PRKACA: variants seen among roughly 807,000 people sequenced by gnomAD.
PRKACA encodes the protein cAMP-dependent protein kinase catalytic subunit alpha.
Under a neutral mutation model 45.8 loss-of-function variants are expected in PRKACA, and 9 were observed. The observed-to-expected ratio is 0.20, with a 90% CI of 0.12 to 0.34. The LOEUF (loss-of-function observed/expected upper bound fraction) is 0.34, where lower values mean the gene tolerates loss of function less well. Ranked by LOEUF, PRKACA falls within the 10% of genes least tolerant of loss-of-function variation. The pLI is 1.00. For synonymous variants in PRKACA, 160 were observed against 178.6 expected, an observed-to-expected ratio of 0.90 and a Z score of 0.83; for missense variants, 238 against 458.6, an observed-to-expected ratio of 0.52 and a Z score of 4.39.
chr19:14,099,643 G>A (rs1429610667), intron 5 of PRKACA, among the ~76,000 whole-genome samples: 2 of 150,182 alleles, frequency 1.3e-5, no homozygotes, highest in Non-Finnish European at 3.0e-5. Flanking sequence ...GCTATGTAAG[G>A]CTGGTCTCAA....
At chr19:14,098,062 A>C in intron 5 of PRKACA, 172 bp from the exon 6 acceptor site, 2 of 746,934 alleles carry the variant, frequency 2.7e-6, no homozygotes, top group South Asian at 1.9e-5. Context: ...GGGTCCATCC[A>C]CAGGAAAATG....
rs969442204 is a variant in PRKACA, at chr19:14,091,947, G to A, written c.*1165C>T. ...AGAAAAAAGCACAAATGAGAAAGTG[G>A]GGGAGAGGTGATGGACAGCTGACAG... is the stretch of plus-strand genomic sequence containing the variant. On this transcript the variant is annotated 3_prime_UTR_variant, in exon 10 of 10. Transcript: ENST00000308677. 5 of 152,210 alleles carry A rather than the reference G, an allele frequency of 3.3e-5. No individual in the cohort carries two copies. Among genetic ancestry groups the A allele is most frequent in the African/African-American group, 1.2e-4 (5 of 41,450 alleles). The allele number at this position is 152,210 out of a possible 1,614,324, so 9.4% of individuals were successfully genotyped here.
chr19:14,109,175 C>T (rs1440363423), intron 1 of PRKACA, among the ~76,000 whole-genome samples: 1 of 151,342 alleles, frequency 6.6e-6, no homozygotes, highest in Non-Finnish European at 1.5e-5. Context: ...GGCGAAACCC[C>T]ATCTCTACTA....
chr19:14,109,335 A>G (rs1482567917), intron 1 of PRKACA, among the ~76,000 whole-genome samples: 1 of 151,758 alleles, frequency 6.6e-6, no homozygotes, highest in Non-Finnish European at 1.5e-5. Context: ...GTACAAAAAA[A>G]TCAGCCGGGC....
chr19:14,098,110 C>T (rs768569305), intron 5 of PRKACA: 3 of 522,406 alleles, frequency 5.7e-6, no homozygotes, highest in Non-Finnish European at 1.0e-5. Flanking sequence ...AATGGAATTC[C>T]ACTCACCACC....
At chr19:14,100,778 C>T (rs752523423) in intron 5 of PRKACA, 48 bp downstream of exon 5, 4 of 1,585,342 alleles carry the variant, frequency 2.5e-6, no homozygotes, top group Non-Finnish European at 1.7e-6. Flanking sequence ...TGCACTGCCA[C>T]CTGTGGACAC....
At chr19:14,095,118 T>C (rs989259369) in intron 8 of PRKACA, among the ~76,000 whole-genome samples, 6 of 152,148 alleles carry the variant, frequency 3.9e-5, no homozygotes, top group Non-Finnish European at 8.8e-5. Context: ...CTGTGGGATC[T>C]TCTGTGTTTT....
chr19:14,096,351 G>GT (rs757373093), intron 8 of PRKACA: 2,787 of 108,318 alleles, frequency 0.026, 57 homozygotes, highest in Admixed American at 0.07. Context: ...CGGCCAGTTT[G>GT]TTTTTTTTTT....
Position 14,097,732 on chromosome 19 carries a change from C to A in PRKACA, c.546+32G>T. 1 of 1,613,976 alleles carries A rather than the reference C, an allele frequency of 6.2e-7. No homozygotes were observed. Among genetic ancestry groups the A allele is most frequent in the Non-Finnish European group, 8.5e-7 (1 of 1,179,894 alleles). On this transcript the variant is annotated intron_variant, in intron 6 of 9. Coordinates refer to ENST00000308677, the MANE Select transcript of PRKACA (RefSeq NM_002730.4). The surrounding 1 kb of genome is among the most constrained non-coding windows in gnomAD (Gnocchi z 5.4). ...GGAAGGGTCCAGGCCACGGCTTCCC[C>A]AGGGCTGCCCCTCGCCCGGCCTGGT...
rs1485592416 is a variant in PRKACA at position 14,097,735 on chromosome 19, G to C, written c.546+29C>G. 6.2e-7 allele frequency: 1 copy of C among 1,613,952 alleles called. No homozygotes were observed. The highest frequency in any genetic ancestry group is 8.5e-7 in the Non-Finnish European group (1 of 1,179,970). ...AGGGTCCAGGCCACGGCTTCCCCAG[G>C]GCTGCCCCTCGCCCGGCCTGGTGGG... On this transcript the variant is annotated intron_variant, in intron 6 of 9. Coordinates refer to ENST00000308677, the MANE Select transcript of PRKACA (RefSeq NM_002730.4). The surrounding 1 kb of genome is among the most constrained non-coding windows in gnomAD (Gnocchi z 5.4).
chr19:14,094,016 T>C (rs1977172790), intron 8 of PRKACA, among the ~76,000 whole-genome samples: 1 of 151,980 alleles, frequency 6.6e-6, no homozygotes, highest in East Asian at 1.9e-4. Context: ...CTTTAAAAAT[T>C]CAAGAGTTAG....
intron 3 of PRKACA, among the ~76,000 whole-genome samples, chr19:14,104,326 G>C (rs935811808): frequency 7.7e-6 from 1 of 129,354 alleles, no homozygotes; most frequent in Non-Finnish European, 1.6e-5. Context: ...GGCAGAGCGA[G>C]ACTCCGTCTC....
intron 4 of PRKACA, among the ~76,000 whole-genome samples, chr19:14,101,759 G>A: frequency 6.6e-6 from 1 of 152,012 alleles, no homozygotes; most frequent in East Asian, 1.9e-4. Flanking sequence ...TACTCGGGAG[G>A]CTGAGGCAGA....
rs41296324 is a variant in PRKACA, at chr19:14,092,579, A to T, written c.*533T>A. ...TAAGATTTTAAATTGTTGTTTTTTT[A>T]AAAAAATTCTAGCAAGCAACCCACT... On this transcript the variant is annotated 3_prime_UTR_variant, in exon 10 of 10. Transcript: ENST00000308677. 709 of 398,640 alleles carry T rather than the reference A, an allele frequency of 1.8e-3. 6 individuals are homozygous for T. Among genetic ancestry groups the T allele is most frequent in the African/African-American group, 0.013 (642 of 48,658 alleles). 24.7% of individuals were successfully genotyped at this position (398,640 alleles called of 1,614,324 possible).
intron 1 of PRKACA, among the ~76,000 whole-genome samples, chr19:14,112,862 A>C (rs894097363): frequency 7.9e-5 from 12 of 152,254 alleles, no homozygotes; most frequent in African/African-American, 2.9e-4. Flanking sequence ...GAGGGGAAAG[A>C]GTTAAGGTTC....
At chr19:14,095,158 A>AT (rs1389293318) in intron 8 of PRKACA, among the ~76,000 whole-genome samples, 3 of 146,150 alleles carry the variant, frequency 2.1e-5, no homozygotes, top group African/African-American at 7.6e-5. Flanking sequence ...ACTCTGGGAC[A>AT]TTTTTTTTTC....
At chr19:14,098,455 GAT>G (rs983736709) in intron 5 of PRKACA, 3 of 152,648 alleles carry the variant, frequency 2.0e-5, no homozygotes, top group Non-Finnish European at 4.4e-5. Context: ...TATGTATGTA[GAT>G]ATGTGTGTGT....
At chr19:14,112,308 C>T (rs1323380710) in intron 1 of PRKACA, 2 of 152,558 alleles carry the variant, frequency 1.3e-5, no homozygotes, top group African/African-American at 4.8e-5. Context: ...GCCTTCTGCC[C>T]CCTGGCCAGG....
intron 1 of PRKACA, among the ~76,000 whole-genome samples, chr19:14,110,881 T>G (rs1320040102): frequency 1.3e-5 from 2 of 152,216 alleles, no homozygotes; most frequent in African/African-American, 2.4e-5. Flanking sequence ...GTTTCAGTGC[T>G]GAGTCCAGTG....
Sources: gnomAD v4.1 joint callset for allele counts (sites outside exome capture counted in the v4.1 genomes callset) on GRCh38, gnomAD v4.1.1 for gene constraint, Gnocchi (gnomAD v3.1) non-coding constraint, MANE v1.5 for transcripts, NCBI Gene and HGNC (gene_info 2026-07-23, HGNC 2026-07-21) for gene names.